Variants in IFNGR1 observed in about 807,000 individuals in gnomAD.
The protein encoded by IFNGR1 is AVP, type 2.
A neutral mutation model predicts 35.4 loss-of-function variants in IFNGR1; 23 were observed. That is an observed-to-expected ratio of 0.65 (90% CI 0.47 to 0.92). IFNGR1 has a LOEUF of 0.92. Ranked by LOEUF, IFNGR1 falls within the 40% of genes least tolerant of loss-of-function variation. IFNGR1 has a pLI of 0.00. For missense variants in IFNGR1, 533 were observed against 583.4 expected (o/e 0.91, Z 0.89); for synonymous variants, 199 against 209.5 (o/e 0.95, Z 0.43).
chr6:137,214,273 A>T (rs1779640113), intron 1 of IFNGR1, among the ~76,000 whole-genome samples: 1 of 152,210 alleles, frequency 6.6e-6, no homozygotes, highest in African/African-American at 2.4e-5. Context: ...GAAAAGTACC[A>T]AATCAAGGCC....
chr6:137,216,532 A>G (rs1779700487), intron 1 of IFNGR1, among the ~76,000 whole-genome samples: 1 of 152,216 alleles, frequency 6.6e-6, no homozygotes. Flanking sequence ...CTATATCACC[A>G]TATTCACTTG....
At position 137,197,488 on chromosome 6, in the gene IFNGR1, T is replaced by C. The variant is rs941152030; in HGVS notation, c.*543A>G. ...TTGAATAAATGAATACAAAAACGAG[T>C]TTTAAAATTCTTTATTTAAAAATCT... is the stretch of plus-strand genomic sequence containing the variant. On this transcript the variant is annotated 3_prime_UTR_variant, in exon 7 of 7. Transcript: ENST00000367739. 1 of 151,654 alleles carries C rather than the reference T, an allele frequency of 6.6e-6. No homozygotes were observed. The highest frequency in any genetic ancestry group is 2.4e-5 in the African/African-American group (1 of 41,138). 9.4% of individuals were successfully genotyped at this position (151,654 alleles called of 1,614,324 possible).
intron 5 of IFNGR1, 67 bp from the exon 6 acceptor site, chr6:137,201,075 T>G: frequency 6.6e-7 from 1 of 1,510,210 alleles, no homozygotes; most frequent in Non-Finnish European, 9.2e-7. Context: ...TCAAAAAGTC[T>G]TAGTGCCATT....
At chr6:137,209,172 A>C (rs888663349) in intron 1 of IFNGR1, among the ~76,000 whole-genome samples, 1 of 152,212 alleles carries the variant, frequency 6.6e-6, no homozygotes, top group Admixed American at 6.5e-5. Flanking sequence ...CCCACACTGT[A>C]TCTAGGAAGT....
chr6:137,204,377 A>T lies in IFNGR1; in HGVS notation c.501T>A (p.Cys167Ter). The stretch of plus-strand genomic sequence containing the variant: ...CATACACATTGTACACCCTAATGTA[A>T]CAGGTAGTTTCGGGATCATAATCGA... The part of the protein sequence containing the change: ...QEVDYDPETT[C>*]YIRVYNVYVR... The change falls in exon 4 of 7, where the codon TGT (cysteine) becomes TGA (stop). Residue 167 changes from cysteine to a stop codon, truncating the protein, a stop_gained. Coordinates refer to ENST00000367739, the MANE Select transcript of IFNGR1 (RefSeq NM_000416.3). LOFTEE classifies it high-confidence loss of function. 2 of 1,613,992 alleles carry T rather than the reference A, an allele frequency of 1.2e-6. No individual in the cohort carries two copies. Among genetic ancestry groups the T allele is most frequent in the Non-Finnish European group, 1.7e-6 (2 of 1,179,866 alleles).
At chr6:137,199,499 A>AAATATATAGTTTATAATATATTATATAT (rs1779201323) in intron 6 of IFNGR1, among the ~76,000 whole-genome samples, 1 of 21,936 alleles carries the variant, frequency 4.6e-5, no homozygotes, top group Admixed American at 9.5e-4. Flanking sequence ...ATATTATATA[A>AAATATATAGTTTATAATATATTATATAT]AATATATAAT....
chr6:137,197,989 C>G lies in IFNGR1; in HGVS notation c.*42G>C, dbSNP rs748472594. 6.2e-7 allele frequency: 1 copy of G among 1,612,642 alleles called. No homozygotes were observed. Among genetic ancestry groups the G allele is most frequent in the East Asian group, 2.2e-5 (1 of 44,856 alleles). On this transcript the variant is annotated 3_prime_UTR_variant, in exon 7 of 7. Transcript: ENST00000367739. Reference sequence around the variant, plus strand: ...TCATGAAATTAAAGCAGAAAACTGTCCAGGAAAATCAGACTTCAAAGTTGG... The same window carrying G: ...TCATGAAATTAAAGCAGAAAACTGTGCAGGAAAATCAGACTTCAAAGTTGG...
At chr6:137,215,198 G>C (rs1377778305) in intron 1 of IFNGR1, 2 of 1,523,648 alleles carry the variant, frequency 1.3e-6, no homozygotes, top group Non-Finnish European at 1.8e-6. Flanking sequence ...GCAAAGTTTT[G>C]TTGGTTTTCA....
chr6:137,214,314 C>T (rs1779640810), intron 1 of IFNGR1, among the ~76,000 whole-genome samples: 1 of 152,214 alleles, frequency 6.6e-6, no homozygotes, highest in Non-Finnish European at 1.5e-5. Flanking sequence ...TATTTGATTA[C>T]AATCTCCCTC....
At chr6:137,204,581 T>C in intron 3 of IFNGR1, 77 bp from the exon 4 acceptor site, 1 of 1,184,752 alleles carries the variant, frequency 8.4e-7, no homozygotes, top group Non-Finnish European at 1.3e-6. Context: ...ATTACCAGAA[T>C]CTATCAATCA....
At chr6:137,209,378 G>A (rs1779522238) in intron 1 of IFNGR1, among the ~76,000 whole-genome samples, 1 of 151,890 alleles carries the variant, frequency 6.6e-6, no homozygotes. Flanking sequence ...AATATGGTTT[G>A]GTTGTGTGTC....
In IFNGR1 at chr6:137,219,227, C is replaced by T. The variant is rs1352206956; in HGVS notation, c.85+16G>A. ...TCGTCCCGACCCGGCCGCAGCCCTG[C>T]CGCGAACGACGGTACCTGAGGACGG... On this transcript the variant is annotated intron_variant, in intron 1 of 6. Coordinates refer to ENST00000367739, the MANE Select transcript of IFNGR1 (RefSeq NM_000416.3). 1 of 1,601,532 alleles carries T rather than the reference C, an allele frequency of 6.2e-7. No homozygotes were observed.
chr6:137,207,217 AAATG>A (rs1424272630), intron 1 of IFNGR1, 140 bp from the exon 2 acceptor site: 7 of 1,116,756 alleles, frequency 6.3e-6, no homozygotes, highest in African/African-American at 1.6e-5. Flanking sequence ...AAAATTATTT[AAATG>A]AAGAGTAGAC....
rs1779153901 is a variant in IFNGR1, at chr6:137,198,465, T to C, written c.1036A>G (p.Thr346Ala). The C allele has an allele frequency of 6.2e-7, 1 of 1,614,192 alleles. No homozygotes were observed. The highest frequency in any genetic ancestry group is 2.2e-5 in the East Asian group (1 of 44,888). ...TEDNPGKVEH[T>A]EELSSITEVV... ...TCTGTTATACTAGAAAGTTCTTCTG[T>C]ATGTTCCACTTTTCCTGGATTGTCT... is the stretch of plus-strand genomic sequence containing the variant. Residue 346 changes from threonine (T) to alanine (A), a missense_variant, in exon 7 of 7, where the codon ACA (threonine) becomes GCA (alanine). Thr to Ala is a moderately conservative substitution (Grantham distance 58). Transcript: ENST00000367739.
rs1193942214 is a variant in IFNGR1, at chr6:137,198,336, G to C, written c.1165C>G (p.Pro389Ala). 6.2e-7 allele frequency: 1 copy of C among 1,614,126 alleles called. No individual in the cohort carries two copies. The highest frequency in any genetic ancestry group is 8.5e-7 in the Non-Finnish European group (1 of 1,180,022). Residue 389 changes from proline to alanine, a missense_variant, in exon 7 of 7, where the codon CCT becomes GCT. Pro to Ala is a conservative substitution (Grantham distance 27, BLOSUM62 -1). Coordinates refer to ENST00000367739, the MANE Select transcript of IFNGR1 (RefSeq NM_000416.3). ...SSPLSSNQSEPGSIALNSYHS... is the reference protein window; with the variant it reads ...SSPLSSNQSEAGSIALNSYHS... Reference sequence around the variant, plus strand: ...TACGAGTTTAAAGCGATGCTGCCAGGTTCAGACTGGTTACTACTTAAAGGT... The same window carrying C: ...TACGAGTTTAAAGCGATGCTGCCAGCTTCAGACTGGTTACTACTTAAAGGT...
At chr6:137,214,476 C>A (rs577022053) in intron 1 of IFNGR1, among the ~76,000 whole-genome samples, 6 of 152,306 alleles carry the variant, frequency 3.9e-5, no homozygotes, top group African/African-American at 1.2e-4. Flanking sequence ...TTGAAATCTT[C>A]TAATTGAAAT....
At chr6:137,205,056 T>G (rs1779398263) in intron 3 of IFNGR1, among the ~76,000 whole-genome samples, 1 of 152,220 alleles carries the variant, frequency 6.6e-6, no homozygotes, top group South Asian at 2.1e-4. Flanking sequence ...CAGGTCTGTT[T>G]TTAACCCATC....
rs180680034 is a variant in IFNGR1, at chr6:137,206,258, T to C, written c.251A>G (p.Tyr84Cys). 1.2e-6 allele frequency: 2 copies of C among 1,610,178 alleles called. No individual in the cohort carries two copies. Among genetic ancestry groups the C allele is most frequent in the Non-Finnish European group, 8.5e-7 (1 of 1,176,406 alleles). ...ACCAACATGATCAGAAATATTACAA[T>C]AATGATGAGAAATATTGATGCAGGC... Reference protein sequence around the residue: ...IDACINISHHYCNISDHVGDP... With the variant: ...IDACINISHHCCNISDHVGDP... Residue 84 changes from tyrosine (Y) to cysteine (C), a missense_variant, in exon 3 of 7, where the codon TAT (tyrosine) becomes TGT (cysteine). Physicochemically the swap from Tyr to Cys is radical, Grantham distance 194. Coordinates refer to ENST00000367739, the MANE Select transcript of IFNGR1 (RefSeq NM_000416.3).
rs2114441397 is a variant in IFNGR1 at position 137,198,169 on chromosome 6, C to T, written c.1332G>A (p.Glu444=). 1 of 1,614,100 alleles carries T rather than the reference C, an allele frequency of 6.2e-7. No individual in the cohort carries two copies. The highest frequency in any genetic ancestry group is 1.7e-5 in the Admixed American group (1 of 59,998). The part of the protein sequence containing the change: ...NKGEIKTEGQ[E]LITVIKAPTS... Reference sequence around the variant, plus strand: ...TGGGGGCTTTTATTACGGTTATGAGCTCTTGTCCTTCTGTTTTTATTTCAC... The same window carrying T: ...TGGGGGCTTTTATTACGGTTATGAGTTCTTGTCCTTCTGTTTTTATTTCAC... Residue 444 remains glutamate (E), a synonymous_variant, in exon 7 of 7, where the codon GAG becomes GAA. Coordinates refer to ENST00000367739, the MANE Select transcript of IFNGR1 (RefSeq NM_000416.3).
Sources: gnomAD v4.1 joint callset for allele counts (sites outside exome capture counted in the v4.1 genomes callset) on GRCh38, gnomAD v4.1.1 for gene constraint, MANE v1.5 for transcripts, NCBI Gene and HGNC (gene_info 2026-07-23, HGNC 2026-07-21) for gene names.